EBF1: variants seen among roughly 807,000 people sequenced by gnomAD.
EBF1 encodes the protein transcription factor COE1.
In EBF1, 10 loss-of-function variants were observed where a neutral mutation model predicts 68.4. That is an observed-to-expected ratio of 0.15 (90% CI 0.09 to 0.25). The LOEUF (loss-of-function observed/expected upper bound fraction) is 0.25, where lower values mean the gene tolerates loss of function less well. Ranked by LOEUF, EBF1 falls within the 10% of genes least tolerant of loss-of-function variation. EBF1 has a pLI of 1.00. For missense variants in EBF1, 509 were observed against 794.4 expected (o/e 0.64, Z 4.32); for synonymous variants, 298 against 299.8 (o/e 0.99, Z 0.06).
chr5:158,705,700 A>G (rs1757721391), intron 15 of EBF1, among the ~76,000 whole-genome samples: 1 of 152,186 alleles, frequency 6.6e-6, no homozygotes, highest in African/African-American at 2.4e-5. Flanking sequence ...GAAACCCAGG[A>G]AGTCATAAGA....
intron 13 of EBF1, 45 bp downstream of exon 13, chr5:158,712,925 G>A (rs1759748925): frequency 7.2e-7 from 1 of 1,395,346 alleles, no homozygotes; most frequent in Non-Finnish European, 9.4e-7. Flanking sequence ...ATGAGGAGAT[G>A]GGGTGCTTAA....
At chr5:158,889,188 C>A (rs184596867) in intron 6 of EBF1, among the ~76,000 whole-genome samples, 2 of 152,142 alleles carry the variant, frequency 1.3e-5, no homozygotes, top group African/African-American at 2.4e-5. Flanking sequence ...ATACTGTATG[C>A]CTGGCCTATG....
At chr5:158,892,471 G>A (rs62385377) in intron 6 of EBF1, among the ~76,000 whole-genome samples, 49,444 of 151,854 alleles carry the variant, frequency 0.33, 8,694 homozygotes, top group South Asian at 0.57. Context: ...CCTGGATGAC[G>A]AAACAAAAAA....
rs1561711266 is a variant in EBF1 at position 158,713,100 on chromosome 5, A to G, written c.1239T>C (p.Ser413=). 6.3e-7 allele frequency: 1 copy of G among 1,593,928 alleles called. No individual in the cohort carries two copies. The highest frequency in any genetic ancestry group is 8.6e-7 in the Non-Finnish European group (1 of 1,168,704). The change falls in exon 13 of 16, where the codon AGT becomes AGC. Residue 413 remains serine (S), a synonymous_variant. Coordinates refer to ENST00000313708, the MANE Select transcript of EBF1 (RefSeq NM_024007.5). The part of the protein sequence containing the change: ...RAADIAEALY[S]VPRNHNQLPA... ...GGAGTTGGTTGTGGTTGCGGGGAAC[A>G]CTGTACAGGGCCTCGGCAATGTCGG...
chr5:159,091,585 T>C lies in EBF1; in HGVS notation c.411+4035A>G, dbSNP rs559332691. ...AGTGAATTCCTTGGGAACTTATTGATATACTGAAAATGTGTTTATCTACCA... is the reference window on the plus strand; with the variant it reads ...AGTGAATTCCTTGGGAACTTATTGACATACTGAAAATGTGTTTATCTACCA... On this transcript the variant is annotated intron_variant, in intron 4 of 15. Coordinates refer to ENST00000313708, the MANE Select transcript of EBF1 (RefSeq NM_024007.5). Among the ~76,000 whole-genome samples the C allele has an allele frequency of 1.3e-4, 20 of 152,318 alleles. No individual in the cohort carries two copies. The South Asian group carries it at 1.7e-3, about 13-fold the overall frequency.
intron 6 of EBF1, among the ~76,000 whole-genome samples, chr5:159,019,507 C>T (rs996446870): frequency 5.9e-5 from 9 of 152,120 alleles, no homozygotes; most frequent in Non-Finnish European, 8.8e-5. Context: ...CTAATTAGCA[C>T]GAGTGAGGGC....
rs556915559 is a variant in EBF1, at chr5:158,700,478, C to T, written c.1745-1336G>A. On this transcript the variant is annotated intron_variant, in intron 15 of 15. Transcript: ENST00000313708. ...TGATGACTGTGTCTAGGAAGTGGCCCTCTTAGTTTACTATTCTGGAAGAAT... is the reference window on the plus strand; with the variant it reads ...TGATGACTGTGTCTAGGAAGTGGCCTTCTTAGTTTACTATTCTGGAAGAAT... Among the ~76,000 whole-genome samples the T allele has an allele frequency of 2.6e-5, 4 of 151,654 alleles. No homozygotes were observed. In the East Asian group the frequency reaches 7.8e-4, roughly 29 times the overall value.
intron 6 of EBF1, among the ~76,000 whole-genome samples, chr5:159,071,613 A>G (rs1777800719): frequency 6.6e-6 from 1 of 152,188 alleles, no homozygotes; most frequent in South Asian, 2.1e-4. Flanking sequence ...TTCTTATGCC[A>G]TCGCAACCCA....
intron 15 of EBF1, among the ~76,000 whole-genome samples, chr5:158,705,335 A>G (rs756161659): frequency 6.6e-6 from 1 of 152,126 alleles, no homozygotes; most frequent in Non-Finnish European, 1.5e-5. Flanking sequence ...GGGATAGGGG[A>G]AAATCCAAAA....
chr5:158,859,387 A>G (rs992184108), intron 6 of EBF1, among the ~76,000 whole-genome samples: 14 of 152,030 alleles, frequency 9.2e-5, no homozygotes, highest in Admixed American at 3.3e-4. Flanking sequence ...GACTTCCCAG[A>G]TTTTCCCATT....
chr5:158,986,628 A>C (rs1409823889), intron 6 of EBF1, among the ~76,000 whole-genome samples: 1 of 152,246 alleles, frequency 6.6e-6, no homozygotes. Context: ...TATTCTGCCG[A>C]CCAAGCCAAA....
chr5:158,731,500 C>A lies in EBF1; in HGVS notation c.1037-343G>T, dbSNP rs187935838. ...TTTAATTCAGTTGCTCAGGTAAAAG[C>A]ACTCAAGGGCTTGCCTGGTGGTATC... On this transcript the variant is annotated intron_variant, in intron 10 of 15. Coordinates refer to ENST00000313708, the MANE Select transcript of EBF1 (RefSeq NM_024007.5). Among the ~76,000 whole-genome samples, 25 of 152,324 alleles carry A rather than the reference C, an allele frequency of 1.6e-4. No homozygotes were observed. In the East Asian group the frequency reaches 3.9e-3, roughly 23 times the overall value.
chr5:158,824,345 A>T (rs1398967721), intron 7 of EBF1, among the ~76,000 whole-genome samples: 1 of 152,228 alleles, frequency 6.6e-6, no homozygotes, highest in Admixed American at 6.5e-5. Flanking sequence ...ACCCTGCAGC[A>T]TAGGGGAAAC....
chr5:158,851,415 A>T (rs1432191437), intron 6 of EBF1, among the ~76,000 whole-genome samples: 1 of 102,440 alleles, frequency 9.8e-6, no homozygotes, highest in East Asian at 3.3e-4. Flanking sequence ...GGGGAGGGGA[A>T]AGGGAAGGGA....
At chr5:158,737,266 ATTTTTTTTTTTTTTTT>A (rs61380054) in intron 10 of EBF1, among the ~76,000 whole-genome samples, 52 of 55,642 alleles carry the variant, frequency 9.3e-4, no homozygotes, top group African/African-American at 2.9e-3. Context: ...ACATGCCCTG[ATTTTTTTTTTTTTTTT>A]TTTTTTTTTT....
chr5:158,954,293 C>T (rs1210163819), intron 6 of EBF1, among the ~76,000 whole-genome samples: 2 of 152,158 alleles, frequency 1.3e-5, no homozygotes, highest in Admixed American at 1.3e-4. Flanking sequence ...TGGCAGTAGG[C>T]CGTTTACCCA....
At chr5:159,056,903 AC>A (rs1243630691) in intron 6 of EBF1, among the ~76,000 whole-genome samples, 1 of 152,164 alleles carries the variant, frequency 6.6e-6, no homozygotes, top group Non-Finnish European at 1.5e-5. Flanking sequence ...CTGAAAGATG[AC>A]TATTGATGAA....
At chr5:158,744,151 C>CAA (rs1177499806) in intron 10 of EBF1, among the ~76,000 whole-genome samples, 2 of 145,054 alleles carry the variant, frequency 1.4e-5, no homozygotes, top group African/African-American at 2.5e-5. Context: ...GAGACACTGT[C>CAA]AAAAAAAAAA....
At position 158,806,317 on chromosome 5, in the gene EBF1, C is replaced by T. The variant is rs534572323; in HGVS notation, c.779-9842G>A. Among the ~76,000 whole-genome samples, 63 of 152,198 alleles carry T rather than the reference C, an allele frequency of 4.1e-4. 1 individual carries two copies. Among genetic ancestry groups the T allele is most frequent in the African/African-American group, 1.5e-3 (62 of 41,546 alleles). ...GCATGAGAGAGGGATCTTTTAGAAT[C>T]CTACTTGTGAGCTGGTTTATAGCAA... On this transcript the variant is annotated intron_variant, in intron 8 of 15. Transcript: ENST00000313708.
Sources: allele counts gnomAD v4.1 joint callset (sites outside exome capture counted in the v4.1 genomes callset), GRCh38; gene constraint gnomAD v4.1.1; transcripts MANE v1.5; gene names NCBI Gene and HGNC (gene_info 2026-07-23, HGNC 2026-07-21).